HNRNPA2B1: variants seen among roughly 807,000 people sequenced by gnomAD.
The protein encoded by HNRNPA2B1 is heterogeneous nuclear ribonucleoprotein A2/B1.
HNRNPA2B1 carries 3 observed loss-of-function variants against 46.3 expected under a neutral mutation model. That is an observed-to-expected ratio of 0.06 (90% CI 0.03 to 0.17). The LOEUF is 0.17. Among genes scored for constraint, HNRNPA2B1 ranks in the 10% least tolerant of loss-of-function variants. HNRNPA2B1 has a pLI of 1.00. For missense variants in HNRNPA2B1, 221 were observed against 418.9 expected (o/e 0.53, Z 4.12); for synonymous variants, 225 against 133.8 (o/e 1.68, Z -4.70).
chr7:26,200,740 T>A lies in HNRNPA2B1; in HGVS notation c.-163A>T. 1 of 857,084 alleles carries A rather than the reference T, an allele frequency of 1.2e-6. No individual in the cohort carries two copies. Among genetic ancestry groups the A allele is most frequent in the Non-Finnish European group, 1.9e-6 (1 of 519,334 alleles). 53.1% of individuals were successfully genotyped at this position (857,084 alleles called of 1,614,324 possible). Reference sequence around the variant, plus strand: ...ACCTCCGCACGGGACCCGGCGCTGCTGCTACTGCCGCTAGAGCCGCTGCCG... The same window carrying A: ...ACCTCCGCACGGGACCCGGCGCTGCAGCTACTGCCGCTAGAGCCGCTGCCG... On this transcript the variant is annotated 5_prime_UTR_variant, in exon 1 of 11. Coordinates refer to ENST00000618183, the MANE Select transcript of HNRNPA2B1 (RefSeq NM_002137.4).
intron 2 of HNRNPA2B1, 67 bp from the exon 3 acceptor site, chr7:26,197,528 A>G: frequency 8.9e-6 from 14 of 1,578,022 alleles, no homozygotes; most frequent in Admixed American, 6.9e-5. Context: ...GTCATAATAG[A>G]ATTTTTTACT....
chr7:26,194,280 T>C (rs370023382), intron 7 of HNRNPA2B1, among the ~76,000 whole-genome samples: 1 of 151,970 alleles, frequency 6.6e-6, no homozygotes, highest in Non-Finnish European at 1.5e-5. Flanking sequence ...CCTGTAGTAC[T>C]AGCTACTCTG....
chr7:26,198,107 A>T (rs1032655377), intron 1 of HNRNPA2B1: 5 of 362,858 alleles, frequency 1.4e-5, no homozygotes, highest in African/African-American at 8.4e-5. Context: ...CTTTACCAAA[A>T]ATTTCAACCC....
At position 26,196,442 on chromosome 7, in the gene HNRNPA2B1, T is replaced by C; in HGVS notation, c.617A>G (p.Asn206Ser). The stretch of plus-strand genomic sequence containing the variant: ...GTTACTTCCTGGTCCTGGTCCGAAA[T>C]TTCCACCGCCACCACGTGAATCCCC... ...GFGDSRGGGG[N>S]FGPGPGSNFR... The change falls in exon 6 of 11, where the codon AAT becomes AGT. Residue 206 changes from asparagine to serine, a missense_variant. This residue lies in a region of HNRNPA2B1 where 143 missense variants were observed against 200.5 expected (regional missense o/e 0.71). Coordinates refer to ENST00000618183, the MANE Select transcript of HNRNPA2B1 (RefSeq NM_002137.4). 2 of 1,614,104 alleles carry C rather than the reference T, an allele frequency of 1.2e-6. No homozygotes were observed. Among genetic ancestry groups the C allele is most frequent in the Non-Finnish European group, 1.7e-6 (2 of 1,179,996 alleles).
rs1259022514 is a variant in HNRNPA2B1 at position 26,192,542 on chromosome 7, C to A, written c.1000G>T (p.Gly334Cys). 1 of 1,613,984 alleles carries A rather than the reference C, an allele frequency of 6.2e-7. No individual in the cohort carries two copies. Among genetic ancestry groups the A allele is most frequent in the South Asian group, 1.1e-5 (1 of 91,076 alleles). The stretch of plus-strand genomic sequence containing the variant: ...CAGTATCGGCTCCTCCCACCATAAC[C>A]CCCACTTCCTCCACTGCCTCCTGGA... ...YGPGGSGGSG[G>C]YGGRSRY The change falls in exon 10 of 11, where the codon GGT (glycine) becomes TGT (cysteine). Residue 334 changes from glycine to cysteine, a missense_variant. Gly to Cys is a radical substitution (Grantham distance 159). This residue lies in a region of HNRNPA2B1 where 143 missense variants were observed against 200.5 expected (regional missense o/e 0.71). Transcript: ENST00000618183.
intron 7 of HNRNPA2B1, among the ~76,000 whole-genome samples, chr7:26,195,112 A>C (rs1326374230): frequency 7.3e-6 from 1 of 137,928 alleles, no homozygotes; most frequent in South Asian, 2.3e-4. Flanking sequence ...AAAAAAAAAG[A>C]AACCATATTA....
At chr7:26,195,482 T>TA (rs112508121) in intron 7 of HNRNPA2B1, among the ~76,000 whole-genome samples, 4,443 of 152,322 alleles carry the variant, frequency 0.029, 77 homozygotes, top group Middle Eastern at 0.041. Context: ...GTTACGGGTT[T>TA]AGACATATTT....
At chr7:26,195,563 G>A (rs1296122138) in intron 7 of HNRNPA2B1, 1 of 348,366 alleles carries the variant, frequency 2.9e-6, no homozygotes, top group African/African-American at 2.2e-5. Flanking sequence ...TACTTTTCCA[G>A]AGAAGCACGT....
chr7:26,200,271 G>A (rs1049408223), intron 1 of HNRNPA2B1: 10 of 454,944 alleles, frequency 2.2e-5, no homozygotes, highest in Non-Finnish European at 3.2e-5. Flanking sequence ...TTTAGAAAGG[G>A]AATAAGAATT....
intron 7 of HNRNPA2B1, among the ~76,000 whole-genome samples, chr7:26,195,092 CAAAA>C (rs11356411): frequency 9.6e-5 from 5 of 51,934 alleles, no homozygotes; most frequent in Non-Finnish European, 1.9e-4. Context: ...GGCTCCGTCT[CAAAA>C]AAAAAAAAAA....
chr7:26,196,367 C>G, intron 6 of HNRNPA2B1, 34 bp downstream of exon 6: 3 of 1,521,350 alleles, frequency 2.0e-6, no homozygotes, highest in Non-Finnish European at 2.7e-6. Context: ...TAAAAGCACA[C>G]TCATCCTTTA....
In HNRNPA2B1 at chr7:26,196,421, C is replaced by T. The variant is rs1377160953; in HGVS notation, c.638G>A (p.Ser213Asn). 4 of 1,613,970 alleles carry T rather than the reference C, an allele frequency of 2.5e-6. No homozygotes were observed. The South Asian group carries it at 3.3e-5, about 13-fold the overall frequency. Residue 213 changes from serine to asparagine, a missense_variant, in exon 6 of 11, where the codon AGT becomes AAT. Physicochemically the swap from Ser to Asn is conservative, Grantham distance 46 (BLOSUM62 1). Transcript: ENST00000618183. Reference sequence around the variant, plus strand: ...CTCACCAGATCCTCCTCTAAAGTTACTTCCTGGTCCTGGTCCGAAATTTCC... The same window carrying T: ...CTCACCAGATCCTCCTCTAAAGTTATTTCCTGGTCCTGGTCCGAAATTTCC... ...GGGNFGPGPG[S>N]NFRGGSDGYG...
At chr7:26,194,967 G>A (rs562978114) in intron 7 of HNRNPA2B1, among the ~76,000 whole-genome samples, 3 of 150,968 alleles carry the variant, frequency 2.0e-5, no homozygotes, top group Non-Finnish European at 3.0e-5. Context: ...GGTGGTGCAC[G>A]CCGGTAATCC....
chr7:26,192,847 C>T (rs1232892505), intron 9 of HNRNPA2B1, among the ~76,000 whole-genome samples: 6 of 152,152 alleles, frequency 3.9e-5, no homozygotes, highest in Non-Finnish European at 5.9e-5. Flanking sequence ...TTTAAAAGTA[C>T]ATCAAGCCCA....
intron 3 of HNRNPA2B1, 104 bp downstream of exon 3, chr7:26,197,206 TTAATA>T: frequency 7.3e-7 from 1 of 1,361,124 alleles, no homozygotes; most frequent in Non-Finnish European, 1.0e-6. Flanking sequence ...CAACACACCT[TTAATA>T]AGAGAAAAAA....
intron 1 of HNRNPA2B1, chr7:26,198,728 A>T (rs190617659): frequency 6.6e-6 from 1 of 152,376 alleles, no homozygotes; most frequent in Admixed American, 6.5e-5. Flanking sequence ...ACTAGGTTAA[A>T]AAACCTCAAA....
In HNRNPA2B1 at chr7:26,197,736, C is replaced by T. The variant is rs965629764; in HGVS notation, c.7-4G>A. 6.2e-7 allele frequency: 1 copy of T among 1,606,772 alleles called. No individual in the cohort carries two copies. Among genetic ancestry groups the T allele is most frequent in the Admixed American group, 1.7e-5 (1 of 59,534 alleles). Reference sequence around the variant, plus strand: ...TACGGAACTGTTCCTTTTCTCTCTGCAAAGGAAAATACCATTTCAATTTTT... The same window carrying T: ...TACGGAACTGTTCCTTTTCTCTCTGTAAAGGAAAATACCATTTCAATTTTT... On this transcript the variant is annotated splice_polypyrimidine_tract_variant and splice_region_variant and intron_variant, in intron 1 of 10. Transcript: ENST00000618183.
Position 26,192,186 on chromosome 7 carries a change from A to T in HNRNPA2B1, c.*174T>A. On this transcript the variant is annotated 3_prime_UTR_variant, in exon 11 of 11. Transcript: ENST00000618183. ...TTAAATAATCCAATCCATTCACAAA[A>T]TGGCTCTCTGCATCTGCTCTGGTGT... 4.4e-6 allele frequency: 1 copy of T among 228,146 alleles called. No homozygotes were observed. The highest frequency in any genetic ancestry group is 8.7e-6 in the Non-Finnish European group (1 of 115,284). The allele number at this position is 228,146 out of a possible 1,614,324, so 14.1% of individuals were successfully genotyped here.
At chr7:26,199,459 T>C (rs1784089634) in intron 1 of HNRNPA2B1, 1 of 152,002 alleles carries the variant, frequency 6.6e-6, no homozygotes, top group African/African-American at 2.4e-5. Flanking sequence ...AATCGAAGTA[T>C]AACTAAGGAC....
Sources: allele counts gnomAD v4.1 joint callset (sites outside exome capture counted in the v4.1 genomes callset), GRCh38; gene constraint gnomAD v4.1.1; regional missense constraint gnomAD v4.1.1; transcripts MANE v1.5; gene names NCBI Gene and HGNC (gene_info 2026-07-23, HGNC 2026-07-21).